The following FBLN2 variants were observed in gnomAD, a reference collection of about 807,000 sequenced individuals.
FBLN2 encodes the protein fibulin-2.
A neutral mutation model predicts 123.7 loss-of-function variants in FBLN2; 81 were observed. The observed-to-expected ratio is 0.65, with a 90% confidence interval of 0.55 to 0.79. The LOEUF is 0.79. Ranked by LOEUF, FBLN2 falls within the 30% of genes least tolerant of loss-of-function variation. The probability of loss-of-function intolerance (pLI) is 0.00; values close to 1 mark genes in which losing one functional copy is unlikely to be tolerated. For synonymous variants in FBLN2, 699 were observed against 701.4 expected (o/e 1.00, Z 0.05); for missense variants, 1,603 against 1,681.3 (o/e 0.95, Z 0.81).
At chr3:13,612,087 T>G (rs905544227) in intron 4 of FBLN2, among the ~76,000 whole-genome samples, 1 of 152,086 alleles carries the variant, frequency 6.6e-6, no homozygotes, top group Non-Finnish European at 1.5e-5. Flanking sequence ...CGCTGGATGG[T>G]TCTGGCATTT....
chr3:13,553,218 C>T (rs1040552230), intron 1 of FBLN2, among the ~76,000 whole-genome samples: 6 of 152,192 alleles, frequency 3.9e-5, no homozygotes, highest in Admixed American at 1.3e-4. Flanking sequence ...GGTCTGCGAG[C>T]GAGCAACAGG....
Position 13,614,174 on chromosome 3 carries a change from G to T in FBLN2, c.1729+10G>T. On this transcript the variant is annotated intron_variant, in intron 5 of 17. Transcript: ENST00000404922. ...GCTGCACCACGGAGAGGTGAGTGCT[G>T]CTCTTCCCTGGCTGCGGCATATAGG... The T allele has an allele frequency of 6.8e-6, 11 of 1,608,062 alleles. No individual in the cohort carries two copies. Among genetic ancestry groups the T allele is most frequent in the Non-Finnish European group, 9.3e-6 (11 of 1,178,918 alleles).
intron 1 of FBLN2, among the ~76,000 whole-genome samples, chr3:13,568,115 G>A (rs912342878): frequency 6.6e-6 from 1 of 152,112 alleles, no homozygotes; most frequent in Non-Finnish European, 1.5e-5. Flanking sequence ...AGCTTCCTGA[G>A]GTGGCACCTC....
chr3:13,574,557 C>T (rs1014703097), intron 2 of FBLN2, among the ~76,000 whole-genome samples: 11 of 152,164 alleles, frequency 7.2e-5, no homozygotes, highest in Admixed American at 2.0e-4. Context: ...GGATCCCTGG[C>T]AGGGCTCCAG....
chr3:13,566,119 C>T (rs1703740578), intron 1 of FBLN2, among the ~76,000 whole-genome samples: 1 of 151,766 alleles, frequency 6.6e-6, no homozygotes, highest in Non-Finnish European at 1.5e-5. Context: ...TGGCCAGGCT[C>T]TGACTGCTGG....
intron 2 of FBLN2, among the ~76,000 whole-genome samples, chr3:13,573,535 C>T (rs752738998): frequency 5.9e-4 from 90 of 152,176 alleles, no homozygotes; most frequent in Non-Finnish European, 1.2e-3. Flanking sequence ...GTCAGGGTCT[C>T]TGCTGGGTTT....
chr3:13,618,094 C>CG lies in FBLN2; in HGVS notation c.1751dup (p.Arg585ProfsTer20). 2.5e-6 allele frequency: 4 copies of CG among 1,613,140 alleles called. No homozygotes were observed. The highest frequency in any genetic ancestry group is 3.4e-6 in the Non-Finnish European group (4 of 1,179,860). ...GTCCTAGTTTCAGAGGCAGAGATGG[C>CG]GGGCCGAGAGGCCCTGTCACTGGGC... On this transcript the variant is annotated frameshift_variant, in exon 6 of 18. Coordinates refer to ENST00000404922, the MANE Select transcript of FBLN2 (RefSeq NM_001004019.2). LOFTEE classifies it high-confidence loss of function.
At chr3:13,631,083 G>A (rs1706238772) in intron 15 of FBLN2, among the ~76,000 whole-genome samples, 1 of 152,202 alleles carries the variant, frequency 6.6e-6, no homozygotes, top group East Asian at 1.9e-4. Context: ...GCCCATGACT[G>A]GCATCTGATT....
chr3:13,616,333 G>T (rs1221704424), intron 5 of FBLN2, among the ~76,000 whole-genome samples: 2 of 152,208 alleles, frequency 1.3e-5, no homozygotes, highest in African/African-American at 4.8e-5. Context: ...GTGGGCAACA[G>T]AGCCAGGCAC....
intron 1 of FBLN2, among the ~76,000 whole-genome samples, chr3:13,567,052 T>C (rs1249472617): frequency 6.6e-6 from 1 of 150,968 alleles, no homozygotes; most frequent in African/African-American, 2.4e-5. Flanking sequence ...GGGCCTGGAG[T>C]GGGGAGATGG....
In FBLN2 at chr3:13,636,458, T is replaced by C; in HGVS notation, c.3228T>C (p.Cys1076=). 6.2e-7 allele frequency: 1 copy of C among 1,613,718 alleles called. No individual in the cohort carries two copies. Among genetic ancestry groups the C allele is most frequent in the African/African-American group, 1.3e-5 (1 of 75,046 alleles). Reference sequence around the variant, plus strand: ...CTTCTCCCCCAGACGTGGATGAGTGTGCACTGGGTACCCACAACTGTTCCG... The same window carrying C: ...CTTCTCCCCCAGACGTGGATGAGTGCGCACTGGGTACCCACAACTGTTCCG... ...NGRSCKDVDE[C]ALGTHNCSEA... The change falls in exon 17 of 18, where the codon TGT becomes TGC. Residue 1076 remains cysteine, a synonymous_variant. Coordinates refer to ENST00000404922, the MANE Select transcript of FBLN2 (RefSeq NM_001004019.2).
In FBLN2 at chr3:13,549,218, C is replaced by G. The variant is rs966890740; in HGVS notation, c.-42+10C>G. On this transcript the variant is annotated intron_variant, in intron 1 of 17. Transcript: ENST00000404922. ...AGCGCAGTGCCCCGCGGTGAGTGCA[C>G]GCGGCCCCTCCCGCCCGGACTCATC... is the stretch of plus-strand genomic sequence containing the variant. 6.3e-5 allele frequency: 62 copies of G among 983,576 alleles called. No individual in the cohort carries two copies. The highest frequency in any genetic ancestry group is 6.3e-5 in the Non-Finnish European group (52 of 829,240). The allele number at this position is 983,576 out of a possible 1,614,324, so 60.9% of individuals were successfully genotyped here.
At position 13,629,029 on chromosome 3, in the gene FBLN2, T is replaced by C; in HGVS notation, c.2694T>C (p.Asp898=). The change falls in exon 12 of 18, where the codon GAT becomes GAC. Residue 898 remains aspartate (D), a synonymous_variant. Coordinates refer to ENST00000404922, the MANE Select transcript of FBLN2 (RefSeq NM_001004019.2). ...GCGCGCGCGGCTACCACGCCAGCGATGATGGGACCAAGTGTGTGGGTAAGG... is the reference window on the plus strand; with the variant it reads ...GCGCGCGCGGCTACCACGCCAGCGACGATGGGACCAAGTGTGTGGGTAAGG... The part of the protein sequence containing the change: ...LICARGYHAS[D]DGTKCVDVNE... The C allele has an allele frequency of 6.2e-7, 1 of 1,613,370 alleles. No homozygotes were observed. Among genetic ancestry groups the C allele is most frequent in the Non-Finnish European group, 8.5e-7 (1 of 1,179,758 alleles).
At chr3:13,592,607 C>G (rs1901129) in intron 2 of FBLN2, among the ~76,000 whole-genome samples, 35,548 of 152,040 alleles carry the variant, frequency 0.23, 5,548 homozygotes, top group African/African-American at 0.43. Context: ...AAGTTTCCAG[C>G]CCATGAACAT....
chr3:13,583,096 C>T (rs111394645), intron 2 of FBLN2, among the ~76,000 whole-genome samples: 5 of 152,370 alleles, frequency 3.3e-5, no homozygotes, highest in African/African-American at 7.2e-5. Flanking sequence ...GCGCGAGCTG[C>T]GAGACCCCTC....
chr3:13,587,544 C>T (rs1704549659), intron 2 of FBLN2, among the ~76,000 whole-genome samples: 1 of 152,180 alleles, frequency 6.6e-6, no homozygotes, highest in African/African-American at 2.4e-5. Flanking sequence ...AGGCCCCCCG[C>T]CACCAACCAT....
At chr3:13,559,281 G>T (rs1703546522) in intron 1 of FBLN2, among the ~76,000 whole-genome samples, 1 of 151,998 alleles carries the variant, frequency 6.6e-6, no homozygotes, top group Non-Finnish European at 1.5e-5. Context: ...GTGAAGTTCA[G>T]TTTTTCAGTT....
At chr3:13,598,819 C>T (rs577444471) in intron 2 of FBLN2, among the ~76,000 whole-genome samples, 3 of 152,116 alleles carry the variant, frequency 2.0e-5, no homozygotes, top group African/African-American at 4.8e-5. Context: ...ACATCATGGT[C>T]GAAGGACATG....
intron 2 of FBLN2, among the ~76,000 whole-genome samples, chr3:13,598,820 G>A (rs1704932033): frequency 6.6e-6 from 1 of 152,184 alleles, no homozygotes; most frequent in African/African-American, 2.4e-5. Context: ...CATCATGGTC[G>A]AAGGACATGA....
Sources: allele counts gnomAD v4.1 joint callset (sites outside exome capture counted in the v4.1 genomes callset), GRCh38; gene constraint gnomAD v4.1.1; transcripts MANE v1.5; gene names NCBI Gene and HGNC (gene_info 2026-07-23, HGNC 2026-07-21).